Variants in TMEM51 observed in about 807,000 individuals in gnomAD.
The protein encoded by TMEM51 is chromosome 1 open reading frame 72.
A neutral mutation model predicts 13.6 loss-of-function variants in TMEM51; 8 were observed. That is an observed-to-expected ratio of 0.59 (90% CI 0.35 to 1.07). TMEM51 has a LOEUF of 1.07. Ranked by LOEUF, TMEM51 falls within the 50% of genes least tolerant of loss-of-function variation. The pLI is 0.02. For missense variants in TMEM51, 279 were observed against 330.7 expected (o/e 0.84, Z 1.21); for synonymous variants, 147 against 144.4 (o/e 1.02, Z -0.13).
intron 1 of TMEM51, among the ~76,000 whole-genome samples, chr1:15,155,725 A>G (rs1243027894): frequency 6.6e-6 from 1 of 152,044 alleles, no homozygotes; most frequent in Non-Finnish European, 1.5e-5. Context: ...AAGGGAATGG[A>G]AGGTCCGGAG....
Position 15,219,914 on chromosome 1 carries a change from C to G in TMEM51, c.*171C>G, listed in dbSNP as rs957228984. 4 of 691,444 alleles carry G rather than the reference C, an allele frequency of 5.8e-6. No individual in the cohort carries two copies. The highest frequency in any genetic ancestry group is 2.7e-5 in the East Asian group (1 of 36,628). The allele number at this position is 691,444 out of a possible 1,614,324, so 42.8% of individuals were successfully genotyped here. The stretch of plus-strand genomic sequence containing the variant: ...TCTGTATCAGGAGTGACTTTGTTGC[C>G]CCACACAGCCTCCTGCTGCAGGTGC... On this transcript the variant is annotated 3_prime_UTR_variant, in exon 4 of 4. Coordinates refer to ENST00000376008, the MANE Select transcript of TMEM51 (RefSeq NM_001136218.2).
chr1:15,208,074 GT>G (rs1444690980), intron 1 of TMEM51, among the ~76,000 whole-genome samples: 1 of 152,220 alleles, frequency 6.6e-6, no homozygotes, highest in Non-Finnish European at 1.5e-5. Context: ...GGAGCAGGCA[GT>G]GGACAAGACA....
At chr1:15,205,278 A>G (rs1381361133) in intron 1 of TMEM51, among the ~76,000 whole-genome samples, 3 of 152,208 alleles carry the variant, frequency 2.0e-5, no homozygotes, top group Non-Finnish European at 4.4e-5. Flanking sequence ...TGGTGATGTC[A>G]GGTTTTATAC....
At chr1:15,191,890 CTT>C in intron 1 of TMEM51, 1 of 527,404 alleles carries the variant, frequency 1.9e-6, no homozygotes, top group Non-Finnish European at 3.9e-6. Flanking sequence ...GACCATTTCT[CTT>C]TTAGCACGTT....
chr1:15,202,503 G>T (rs990558129), intron 1 of TMEM51, among the ~76,000 whole-genome samples: 3 of 152,182 alleles, frequency 2.0e-5, no homozygotes, highest in African/African-American at 7.2e-5. Context: ...GGCAGGGCTG[G>T]TTCCTCCAGA....
chr1:15,158,093 C>G (rs543670834), intron 1 of TMEM51, among the ~76,000 whole-genome samples: 4 of 152,078 alleles, frequency 2.6e-5, no homozygotes, highest in East Asian at 1.9e-4. Context: ...ATGCCCAGCC[C>G]GTATCCTGGT....
At chr1:15,179,390 A>G (rs1411075547) in intron 1 of TMEM51, among the ~76,000 whole-genome samples, 1 of 152,196 alleles carries the variant, frequency 6.6e-6, no homozygotes, top group African/African-American at 2.4e-5. Flanking sequence ...GCTGATGGCT[A>G]CTCAGCAAGT....
rs1408743784 is a variant in TMEM51, at chr1:15,220,090, T to G, written c.*347T>G. 1.8e-5 allele frequency: 5 copies of G among 270,784 alleles called. No individual in the cohort carries two copies. Among genetic ancestry groups the G allele is most frequent in the Non-Finnish European group, 2.8e-5 (4 of 142,330 alleles). The allele number at this position is 270,784 out of a possible 1,614,324, so 16.8% of individuals were successfully genotyped here. A position where few individuals can be genotyped will look rare whatever the true frequency, so the allele number is the denominator to read the frequency against. On this transcript the variant is annotated 3_prime_UTR_variant, in exon 4 of 4. Transcript: ENST00000376008. The stretch of plus-strand genomic sequence containing the variant: ...AGGGTTCCTCGCGGCTGGTTTAGAT[T>G]GTGGTTGTTTGTTTTGCTTCTACTA...
chr1:15,198,335 A>G (rs1438728855), intron 1 of TMEM51, among the ~76,000 whole-genome samples: 1 of 152,170 alleles, frequency 6.6e-6, no homozygotes, highest in Non-Finnish European at 1.5e-5. Context: ...TCTTTATTCT[A>G]GGAAGCCACG....
In TMEM51 at chr1:15,161,682, T is replaced by C. The variant is rs1479920430; in HGVS notation, c.-267+7728T>C. ...GGCCGGGCGCAGTGGCTCACGCCGG[T>C]AATCCCAGCACTTTGGGAAACCGAG... On this transcript the variant is annotated intron_variant, in intron 1 of 3. Coordinates refer to ENST00000376008, the MANE Select transcript of TMEM51 (RefSeq NM_001136218.2). The surrounding 1 kb of genome is among the most constrained non-coding windows in gnomAD (Gnocchi z 4.0). Among the ~76,000 whole-genome samples, 1 of 151,938 alleles carries C rather than the reference T, an allele frequency of 6.6e-6. No individual in the cohort carries two copies. Among genetic ancestry groups the C allele is most frequent in the African/African-American group, 2.4e-5 (1 of 41,252 alleles).
At chr1:15,195,957 G>A (rs1644038912) in intron 1 of TMEM51, among the ~76,000 whole-genome samples, 1 of 152,202 alleles carries the variant, frequency 6.6e-6, no homozygotes, top group Non-Finnish European at 1.5e-5. Flanking sequence ...TCAGAGACCT[G>A]CAACTCCGTG....
intron 1 of TMEM51, chr1:15,192,002 C>CT (rs1643931787): frequency 1.9e-6 from 1 of 532,528 alleles, no homozygotes; most frequent in Non-Finnish European, 3.8e-6. Flanking sequence ...TCCGATGTTC[C>CT]TTCAGTTGTT....
chr1:15,162,917 G>A (rs767587044), intron 1 of TMEM51, among the ~76,000 whole-genome samples: 6 of 152,024 alleles, frequency 3.9e-5, no homozygotes, highest in Non-Finnish European at 7.3e-5. Context: ...AAATGAAAGC[G>A]TTCTGTGAAT....
chr1:15,195,866 C>T (rs1644037391), intron 1 of TMEM51, among the ~76,000 whole-genome samples: 1 of 152,140 alleles, frequency 6.6e-6, no homozygotes, highest in Non-Finnish European at 1.5e-5. Context: ...GGAGACGTGG[C>T]TTGTGGGAAA....
intron 1 of TMEM51, among the ~76,000 whole-genome samples, chr1:15,159,931 CA>C (rs1314408548): frequency 5.3e-5 from 8 of 152,192 alleles, no homozygotes; most frequent in Non-Finnish European, 1.0e-4. Flanking sequence ...AGCCCAGGGT[CA>C]CCAAATCCTG....
chr1:15,166,179 C>T (rs1047338178), intron 1 of TMEM51, among the ~76,000 whole-genome samples: 2 of 152,130 alleles, frequency 1.3e-5, no homozygotes, highest in African/African-American at 4.8e-5. Context: ...ATAACACCTT[C>T]TCCTCCCATT....
intron 1 of TMEM51, among the ~76,000 whole-genome samples, chr1:15,178,716 A>G (rs1643523627): frequency 6.6e-6 from 1 of 152,222 alleles, no homozygotes; most frequent in South Asian, 2.1e-4. Context: ...AAAACCATCC[A>G]GACAGACCTG....
intron 1 of TMEM51, among the ~76,000 whole-genome samples, chr1:15,204,976 C>A (rs541163807): frequency 6.6e-6 from 1 of 152,112 alleles, no homozygotes; most frequent in Non-Finnish European, 1.5e-5. Context: ...TCACATTGGG[C>A]TGACGGGGAC....
chr1:15,178,264 C>T (rs1446188898), intron 1 of TMEM51, among the ~76,000 whole-genome samples: 1 of 151,732 alleles, frequency 6.6e-6, no homozygotes, highest in East Asian at 1.9e-4. Context: ...CCTTCGGTTG[C>T]CCATGGTGGC....
Sources: gnomAD v4.1 joint callset for allele counts (sites outside exome capture counted in the v4.1 genomes callset) on GRCh38, gnomAD v4.1.1 for gene constraint, Gnocchi (gnomAD v3.1) non-coding constraint, MANE v1.5 for transcripts, NCBI Gene and HGNC (gene_info 2026-07-23, HGNC 2026-07-21) for gene names.